GCNT2: variants seen among roughly 807,000 people sequenced by gnomAD.
GCNT2 encodes glucosaminyl (N-acetyl) transferase 2 (I blood group).
GCNT2 carries 34 observed loss-of-function variants against 34.2 expected under a neutral mutation model. The observed-to-expected ratio is 1.00, with a 90% CI of 0.76 to 1.32. The LOEUF is 1.32. GCNT2 is among the 40% of genes most tolerant of loss of function. The pLI is 0.00. For synonymous variants in GCNT2, 212 were observed against 188.0 expected (o/e 1.13, Z -1.04); for missense variants, 584 against 489.4 (o/e 1.19, Z -1.82).
intron 3 of GCNT2, among the ~76,000 whole-genome samples, chr6:10,563,777 AATATATATATATAT>A (rs70991026): frequency 1.3e-3 from 31 of 24,706 alleles, no homozygotes; most frequent in African/African-American, 3.5e-3. Context: ...AAAAAAAAAA[AATATATATATATAT>A]ATATATATAT....
chr6:10,617,957 G>A (rs187937546), intron 3 of GCNT2, among the ~76,000 whole-genome samples: 479 of 151,498 alleles, frequency 3.2e-3, no homozygotes, highest in Non-Finnish European at 5.2e-3. Context: ...GTTTCACCAC[G>A]TTGGACAGGC....
chr6:10,581,942 A>C, intron 3 of GCNT2: 2 of 783,262 alleles, frequency 2.6e-6, no homozygotes, highest in Non-Finnish European at 3.1e-6. Flanking sequence ...GTGTGTGTGA[A>C]TATACATAAT....
chr6:10,578,801 TG>T (rs1763941165), intron 3 of GCNT2, among the ~76,000 whole-genome samples: 1 of 152,216 alleles, frequency 6.6e-6, no homozygotes, highest in South Asian at 2.1e-4. Flanking sequence ...CATACAAAAA[TG>T]AAGTTAACTT....
Position 10,622,912 on chromosome 6 carries a change from G to A in GCNT2, c.1018+1469G>A, listed in dbSNP as rs563176924. On this transcript the variant is annotated intron_variant, in intron 4 of 4. Transcript: ENST00000495262. ...TGGGATAACAGGTGCATGTCACCAC[G>A]CTCAGCTAATTTTTGTATTTTTAGT... Among the ~76,000 whole-genome samples the A allele has an allele frequency of 1.3e-3, 197 of 151,902 alleles. 1 individual carries two copies. Among genetic ancestry groups the A allele is most frequent in the Non-Finnish European group, 2.3e-3 (159 of 67,932 alleles).
intron 3 of GCNT2, among the ~76,000 whole-genome samples, chr6:10,569,235 C>CCACACACACA (rs373362957): frequency 0.012 from 574 of 47,496 alleles, 21 homozygotes; most frequent in Non-Finnish European, 0.022. Context: ...ACTCCCCCCG[C>CCACACACACA]CACACACACA....
At chr6:10,556,109 A>G (rs1455495537) in intron 3 of GCNT2, 17 of 1,251,552 alleles carry the variant, frequency 1.4e-5, no homozygotes, top group Non-Finnish European at 1.7e-5. Context: ...AAAGAGAGTT[A>G]CCGGAGTTTT....
chr6:10,554,892 T>C (rs1386465358), intron 3 of GCNT2, among the ~76,000 whole-genome samples: 2 of 152,064 alleles, frequency 1.3e-5, no homozygotes, highest in Non-Finnish European at 2.9e-5. Context: ...GCATGAAAAA[T>C]GTAAACAATG....
In GCNT2 at chr6:10,628,791, C is replaced by T. The variant is rs912248934; in HGVS notation, c.*2184C>T. On this transcript the variant is annotated 3_prime_UTR_variant, in exon 5 of 5. Coordinates refer to ENST00000495262, the MANE Select transcript of GCNT2 (RefSeq NM_145649.5). ...ATCCCAACACTTTGGGAGGCCAAGG[C>T]AGGTAGATCACTTGATGCCAGGAGT... The T allele has an allele frequency of 1.3e-5, 2 of 152,300 alleles. No homozygotes were observed. The highest frequency in any genetic ancestry group is 4.8e-5 in the African/African-American group (2 of 41,444). 9.4% of individuals were successfully genotyped at this position (152,300 alleles called of 1,614,324 possible).
At chr6:10,603,471 G>A (rs944533021) in intron 3 of GCNT2, among the ~76,000 whole-genome samples, 6 of 152,206 alleles carry the variant, frequency 3.9e-5, no homozygotes, top group Non-Finnish European at 5.9e-5. Context: ...GGAAGCACCC[G>A]TGTCAGTCCA....
chr6:10,613,347 T>C (rs1765635134), intron 3 of GCNT2, among the ~76,000 whole-genome samples: 1 of 152,122 alleles, frequency 6.6e-6, no homozygotes, highest in African/African-American at 2.4e-5. Flanking sequence ...TTGGATTTTA[T>C]AGTTTAAAAT....
chr6:10,582,617 T>C (rs11756962), intron 3 of GCNT2, among the ~76,000 whole-genome samples: 6,549 of 135,090 alleles, frequency 0.048, 202 homozygotes, highest in East Asian at 0.084. Flanking sequence ...TATATAAATA[T>C]ATATATTTTT....
intron 4 of GCNT2, among the ~76,000 whole-genome samples, chr6:10,624,811 C>G (rs920679258): frequency 2.6e-5 from 4 of 151,956 alleles, no homozygotes; most frequent in African/African-American, 9.7e-5. Context: ...TCTCAGCTAT[C>G]TGTGGGCCCC....
chr6:10,570,385 T>C (rs1763505000), intron 3 of GCNT2, among the ~76,000 whole-genome samples: 1 of 152,238 alleles, frequency 6.6e-6, no homozygotes, highest in African/African-American at 2.4e-5. Context: ...CCTTCAGCTC[T>C]GTACTTTTGT....
At chr6:10,545,911 GGC>G (rs1762245068) in intron 3 of GCNT2, among the ~76,000 whole-genome samples, 1 of 152,150 alleles carries the variant, frequency 6.6e-6, no homozygotes, top group Non-Finnish European at 1.5e-5. Flanking sequence ...CAAGATGTGG[GGC>G]CTGAAAGTAG....
intron 4 of GCNT2, among the ~76,000 whole-genome samples, chr6:10,625,911 G>A (rs1766235508): frequency 6.6e-6 from 1 of 152,164 alleles, no homozygotes. Context: ...ACAATATGCT[G>A]TAATAAAAGT....
intron 3 of GCNT2, among the ~76,000 whole-genome samples, chr6:10,579,357 T>C (rs1046985299): frequency 2.0e-5 from 3 of 152,222 alleles, no homozygotes; most frequent in Admixed American, 1.3e-4. Flanking sequence ...AGAATATATG[T>C]ATAACATGTC....
chr6:10,609,834 T>C (rs527639716), intron 3 of GCNT2, among the ~76,000 whole-genome samples: 1 of 152,312 alleles, frequency 6.6e-6, no homozygotes, highest in Admixed American at 6.5e-5. Flanking sequence ...GTTGGAATTC[T>C]GGTAAGGGTG....
chr6:10,555,759 G>C, intron 3 of GCNT2: 1 of 985,442 alleles, frequency 1.0e-6, no homozygotes. Context: ...GGCCAAAAAA[G>C]CATTACAATG....
intron 3 of GCNT2, among the ~76,000 whole-genome samples, chr6:10,584,846 T>C (rs1228897224): frequency 6.6e-6 from 1 of 152,222 alleles, no homozygotes; most frequent in African/African-American, 2.4e-5. Flanking sequence ...TGGAGTTTCT[T>C]ATGTCTTCTG....
Sources: allele counts gnomAD v4.1 joint callset (sites outside exome capture counted in the v4.1 genomes callset), GRCh38; gene constraint gnomAD v4.1.1; transcripts MANE v1.5; gene names NCBI Gene and HGNC (gene_info 2026-07-23, HGNC 2026-07-21).